MEI1: variants seen among roughly 807,000 people sequenced by gnomAD.
MEI1 encodes the protein meiosis inhibitor protein 1.
Under a neutral mutation model 146.2 loss-of-function variants are expected in MEI1, and 103 were observed. The ratio of observed to expected loss-of-function variants is 0.70; its 90% CI spans 0.60 to 0.83. The LOEUF (loss-of-function observed/expected upper bound fraction) is 0.83. MEI1 is among the 40% of genes least tolerant of loss of function. The pLI is 0.00. For synonymous variants in MEI1, 652 were observed against 628.2 expected (o/e 1.04, Z -0.57); for missense variants, 1,529 against 1,533.0 (o/e 1.00, Z 0.04).
intron 26 of MEI1, among the ~76,000 whole-genome samples, chr22:41,790,316 C>G (rs970815472): frequency 1.3e-5 from 2 of 152,068 alleles, no homozygotes; most frequent in African/African-American, 4.8e-5. Flanking sequence ...AACTCCTGGC[C>G]TCAAGTGATC....
At chr22:41,786,247 A>G (rs914750353) in intron 26 of MEI1, among the ~76,000 whole-genome samples, 1 of 151,892 alleles carries the variant, frequency 6.6e-6, no homozygotes, top group Non-Finnish European at 1.5e-5. Flanking sequence ...GGGTCTTGCT[A>G]TATTTCCAGG....
rs1472783567 is a variant in MEI1 at position 41,758,481 on chromosome 22, A to G, written c.2068A>G (p.Arg690Gly). ...RQYMEGAARQ[R>G]QYCILLLFYL... ...GTACATGGAGGGAGCTGCTCGCCAG[A>G]GACAGTACTGCATCCTGCTCCTCTT... is the stretch of plus-strand genomic sequence containing the variant. The change falls in exon 18 of 31, where the codon AGA becomes GGA. Residue 690 changes from arginine to glycine, a missense_variant. Arg to Gly is a moderately radical substitution (Grantham distance 125). Transcript: ENST00000401548. The G allele has an allele frequency of 3.7e-6, 6 of 1,613,838 alleles. No homozygotes were observed. The highest frequency in any genetic ancestry group is 2.2e-5 in the East Asian group (1 of 44,858).
Position 41,699,638 on chromosome 22 carries a change from C to T in MEI1, c.100C>T (p.Arg34Cys). 1.9e-6 allele frequency: 3 copies of T among 1,604,650 alleles called. No homozygotes were observed. The highest frequency in any genetic ancestry group is 1.1e-5 in the South Asian group (1 of 89,998). ...FERAHYRHDPRWLLPVTPRLC... is the reference protein window; with the variant it reads ...FERAHYRHDPCWLLPVTPRLC... ...GAGGGCCCATTACCGGCACGACCCG[C>T]GCTGGCTGCTGCCCGTGACCCCCCG... The change falls in exon 1 of 31, where the codon CGC becomes TGC. Residue 34 changes from arginine (R) to cysteine (C), a missense_variant. Physicochemically the swap from Arg to Cys is radical, Grantham distance 180 (BLOSUM62 -3). This residue lies in a region of MEI1 where 1,212 missense variants were observed against 1,178.9 expected (regional missense o/e 1.03). Coordinates refer to ENST00000401548, the MANE Select transcript of MEI1 (RefSeq NM_152513.4).
At chr22:41,722,518 G>A (rs971578780) in intron 6 of MEI1, among the ~76,000 whole-genome samples, 1 of 135,802 alleles carries the variant, frequency 7.4e-6, no homozygotes, top group African/African-American at 2.8e-5. Flanking sequence ...ATGCTCATAA[G>A]CTGTTTATGG....
chr22:41,757,071 C>A (rs2074138459), intron 17 of MEI1, among the ~76,000 whole-genome samples: 1 of 152,100 alleles, frequency 6.6e-6, no homozygotes, highest in Admixed American at 6.5e-5. Flanking sequence ...CCTCTTTTCT[C>A]CTCACCCTCC....
intron 19 of MEI1, among the ~76,000 whole-genome samples, chr22:41,768,314 G>A (rs1042098919): frequency 1.2e-4 from 18 of 151,694 alleles, no homozygotes; most frequent in African/African-American, 3.6e-4. Context: ...TCCTGGAGGC[G>A]GAGGTTGCAG....
chr22:41,709,587 G>A, intron 3 of MEI1: 1 of 456,106 alleles, frequency 2.2e-6, no homozygotes, highest in Non-Finnish European at 4.1e-6. Context: ...CTCTTCTTCT[G>A]AAAGGTCTGA....
At chr22:41,714,840 C>A (rs1260280436) in intron 4 of MEI1, among the ~76,000 whole-genome samples, 1 of 151,714 alleles carries the variant, frequency 6.6e-6, no homozygotes, top group Non-Finnish European at 1.5e-5. Context: ...GAGATCGCAC[C>A]ACTGCACCCC....
At chr22:41,755,569 C>T (rs1389092345) in intron 17 of MEI1, among the ~76,000 whole-genome samples, 10 of 152,166 alleles carry the variant, frequency 6.6e-5, no homozygotes, top group African/African-American at 2.4e-4. Flanking sequence ...CTCATAAGTG[C>T]CTGCTCCACT....
At chr22:41,781,625 G>C in intron 23 of MEI1, 60 bp from the exon 24 acceptor site, 2 of 1,576,612 alleles carry the variant, frequency 1.3e-6, no homozygotes, top group Non-Finnish European at 1.7e-6. Context: ...GCACCATAGT[G>C]GCACTTAGCT....
chr22:41,788,119 C>T (rs1166231249), intron 26 of MEI1, among the ~76,000 whole-genome samples: 1 of 152,038 alleles, frequency 6.6e-6, no homozygotes, highest in Non-Finnish European at 1.5e-5. Context: ...CAACCTCTGC[C>T]TCCTGAGTTA....
At chr22:41,731,274 C>T (rs961828661) in intron 9 of MEI1, among the ~76,000 whole-genome samples, 1 of 152,104 alleles carries the variant, frequency 6.6e-6, no homozygotes, top group Non-Finnish European at 1.5e-5. Context: ...AAGCTGGTCT[C>T]AAACTCCTGA....
At chr22:41,730,445 C>A in intron 8 of MEI1, 76 bp from the exon 9 acceptor site, 2 of 966,764 alleles carry the variant, frequency 2.1e-6, no homozygotes, top group Non-Finnish European at 3.3e-6. Context: ...TGAATAAATC[C>A]AAGGCCTTAG....
chr22:41,726,255 A>G (rs189897928), intron 7 of MEI1, among the ~76,000 whole-genome samples: 17 of 152,322 alleles, frequency 1.1e-4, no homozygotes, highest in Admixed American at 9.2e-4. Context: ...TCTAAAGAAA[A>G]TAGTTTAGTC....
intron 26 of MEI1, among the ~76,000 whole-genome samples, chr22:41,793,331 C>T (rs993073769): frequency 1.1e-4 from 16 of 149,686 alleles, no homozygotes; most frequent in East Asian, 2.0e-4. Context: ...GATGGAGTTT[C>T]GCTCTGTCGC....
intron 3 of MEI1, among the ~76,000 whole-genome samples, chr22:41,707,427 A>T: frequency 6.6e-6 from 1 of 152,056 alleles, no homozygotes; most frequent in East Asian, 1.9e-4. Flanking sequence ...CTGGAGGAGG[A>T]GAGATGCAAT....
At chr22:41,767,286 G>T (rs535225863) in intron 19 of MEI1, among the ~76,000 whole-genome samples, 69 of 152,300 alleles carry the variant, frequency 4.5e-4, no homozygotes, top group Admixed American at 9.8e-4. Context: ...TACATGCATT[G>T]TGCAGAAAGG....
chr22:41,785,698 G>A (rs140303906), intron 26 of MEI1, among the ~76,000 whole-genome samples: 2,475 of 151,562 alleles, frequency 0.016, 48 homozygotes, highest in Admixed American at 0.059. Flanking sequence ...CGAGTAGCTG[G>A]GATTACAGGT....
In MEI1 at chr22:41,758,482, G is replaced by C. The variant is rs746415931; in HGVS notation, c.2069G>C (p.Arg690Thr). The change falls in exon 18 of 31, where the codon AGA becomes ACA. Residue 690 changes from arginine to threonine, a missense_variant. Arg to Thr is a moderately conservative substitution (Grantham distance 71). Around this residue, in one of 3 missense-constraint regions of MEI1, gnomAD observed 1,212 missense variants for 1,178.9 expected, o/e 1.03. Coordinates refer to ENST00000401548, the MANE Select transcript of MEI1 (RefSeq NM_152513.4). ...RQYMEGAARQRQYCILLLFYL... is the reference protein window; with the variant it reads ...RQYMEGAARQTQYCILLLFYL... ...TACATGGAGGGAGCTGCTCGCCAGA[G>C]ACAGTACTGCATCCTGCTCCTCTTC... is the stretch of plus-strand genomic sequence containing the variant. The C allele has an allele frequency of 6.2e-7, 1 of 1,613,820 alleles. No homozygotes were observed. Among genetic ancestry groups the C allele is most frequent in the African/African-American group, 1.3e-5 (1 of 75,038 alleles).
Sources: gnomAD v4.1 joint callset for allele counts (sites outside exome capture counted in the v4.1 genomes callset) on GRCh38, gnomAD v4.1.1 for gene constraint, gnomAD v4.1.1 regional missense constraint, MANE v1.5 for transcripts, NCBI Gene and HGNC (gene_info 2026-07-23, HGNC 2026-07-21) for gene names.